Variants in PLAC1 observed in about 807,000 individuals in gnomAD.
PLAC1 encodes placenta associated 1, also known as placenta-specific protein 1.
For synonymous variants in PLAC1, 68 were observed against 62.1 expected, an observed-to-expected ratio of 1.09 and a Z score of -0.44; for missense variants, 136 against 163.2, an observed-to-expected ratio of 0.83 and a Z score of 0.91.
At chrX:134,763,003 A>T (rs1243607443) in intron 1 of PLAC1, among the ~76,000 whole-genome samples, 2 of 110,580 alleles carry the variant, frequency 1.8e-5, no homozygotes, top group Non-Finnish European at 3.8e-5. Flanking sequence ...ATTCAAAAAT[A>T]AATAAAAATG....
intron 2 of PLAC1, among the ~76,000 whole-genome samples, chrX:134,730,377 A>T: frequency 8.9e-6 from 1 of 111,907 alleles, no homozygotes; most frequent in Non-Finnish European, 1.9e-5. Flanking sequence ...TGGGTGCTGA[A>T]ATCCCTAGAG....
chrX:134,660,220 TCAGCC>T (rs946148337), upstream of PLAC1, among the ~76,000 whole-genome samples: 1 of 110,301 alleles, frequency 9.1e-6, no homozygotes, highest in African/African-American at 3.3e-5. Context: ...TTCTTCTGCC[TCAGCC>T]TCCTGAGTAG....
intron 1 of PLAC1, chrX:134,607,545 C>A: frequency 5.7e-6 from 1 of 175,769 alleles, no homozygotes; most frequent in South Asian, 1.4e-4. Context: ...AGCACCAGCC[C>A]GCTCCACCCA....
intron 2 of PLAC1, among the ~76,000 whole-genome samples, chrX:134,732,708 A>G (rs968751785): frequency 1.8e-5 from 2 of 111,524 alleles, no homozygotes; most frequent in African/African-American, 6.6e-5. Context: ...ATTAGAATGA[A>G]ACATCAGCCT....
chrX:134,730,780 C>T (rs1248024352), intron 2 of PLAC1, among the ~76,000 whole-genome samples: 1 of 111,270 alleles, frequency 9.0e-6, no homozygotes, highest in Non-Finnish European at 1.9e-5. Context: ...ACTGTTATTG[C>T]TTCCTGGGAA....
chrX:134,729,315 A>C (rs910697243), intron 2 of PLAC1, among the ~76,000 whole-genome samples: 1 of 112,058 alleles, frequency 8.9e-6, no homozygotes, highest in Non-Finnish European at 1.9e-5. Context: ...GCACTCTGCT[A>C]AGTGTTTATA....
chrX:134,569,813 G>C (rs1412379836), intron 2 of PLAC1, among the ~76,000 whole-genome samples: 1 of 93,002 alleles, frequency 1.1e-5, no homozygotes, highest in Non-Finnish European at 2.2e-5. Flanking sequence ...TGTGTGTTGG[G>C]GGACGGTTAT....
intron 1 of PLAC1, among the ~76,000 whole-genome samples, chrX:134,763,844 G>T (rs1479685079): frequency 9.4e-6 from 1 of 106,579 alleles, no homozygotes; most frequent in East Asian, 2.9e-4. Flanking sequence ...AAGAAAGAAA[G>T]AAAGAAAGAA....
At chrX:134,733,918 T>C (rs926237610) in intron 1 of PLAC1, among the ~76,000 whole-genome samples, 1 of 111,903 alleles carries the variant, frequency 8.9e-6, no homozygotes, top group African/African-American at 3.2e-5. Flanking sequence ...ACCGATGTGA[T>C]TTTATGAACT....
chrX:134,660,604 G>T (rs2078413085), upstream of PLAC1, among the ~76,000 whole-genome samples: 2 of 112,064 alleles, frequency 1.8e-5, no homozygotes, highest in African/African-American at 6.5e-5. Context: ...AAATTATCCA[G>T]ATGCAGAGCA....
At chrX:134,719,441 A>G (rs2078651652) in intron 2 of PLAC1, among the ~76,000 whole-genome samples, 1 of 112,164 alleles carries the variant, frequency 8.9e-6, no homozygotes, top group Non-Finnish European at 1.9e-5. Context: ...CCATAGATGC[A>G]GAACAAGTGT....
intron 1 of PLAC1, among the ~76,000 whole-genome samples, chrX:134,620,589 G>A (rs1007567729): frequency 9.0e-6 from 1 of 111,672 alleles, no homozygotes. Context: ...CACTGCATGC[G>A]GAGCCCCTAG....
chrX:134,571,174 A>G (rs73564390), intron 2 of PLAC1, among the ~76,000 whole-genome samples: 2 of 111,145 alleles, frequency 1.8e-5, no homozygotes, highest in Admixed American at 1.9e-4. Flanking sequence ...CTGCCACTTA[A>G]CTCCCCCATC....
intron 1 of PLAC1, among the ~76,000 whole-genome samples, chrX:134,744,165 C>T (rs1281962069): frequency 9.1e-6 from 1 of 109,668 alleles, no homozygotes; most frequent in East Asian, 2.8e-4. Flanking sequence ...GCCTGTAATC[C>T]CAGCTACTAA....
At chrX:134,710,379 G>A (rs1434684528) in intron 2 of PLAC1, among the ~76,000 whole-genome samples, 1 of 111,770 alleles carries the variant, frequency 8.9e-6, no homozygotes, top group Admixed American at 9.5e-5. Context: ...ACTGTTACTC[G>A]GTAGAGCCAC....
intron 2 of PLAC1, among the ~76,000 whole-genome samples, chrX:134,665,637 T>C (rs1310245446): frequency 3.6e-5 from 4 of 111,242 alleles, no homozygotes; most frequent in Non-Finnish European, 7.5e-5. Flanking sequence ...ATGCCATTAT[T>C]CCCCTGTCAC....
intron 2 of PLAC1, among the ~76,000 whole-genome samples, chrX:134,695,535 G>T (rs1399897056): frequency 1.8e-5 from 2 of 111,960 alleles, no homozygotes; most frequent in Non-Finnish European, 3.8e-5. Context: ...CTTTCTGTCT[G>T]TATCTACAGA....
chrX:134,721,764 G>A (rs1282725650), intron 2 of PLAC1, among the ~76,000 whole-genome samples: 2 of 110,956 alleles, frequency 1.8e-5, no homozygotes, highest in African/African-American at 3.3e-5. Context: ...TCGGGAGGCT[G>A]AGGCAGGAGA....
chrX:134,585,205 G>A (rs1289616806), intron 2 of PLAC1, among the ~76,000 whole-genome samples: 1 of 100,871 alleles, frequency 9.9e-6, no homozygotes, highest in Non-Finnish European at 2.0e-5. Flanking sequence ...AAAAAGCCGG[G>A]CATGGTGGCA....
Sources: allele counts gnomAD v4.1 joint callset (sites outside exome capture counted in the v4.1 genomes callset), GRCh38; gene constraint gnomAD v4.1.1; transcripts MANE v1.5; gene names NCBI Gene and HGNC (gene_info 2026-07-23, HGNC 2026-07-21).